The following ADAM12 variants were observed in gnomAD, a reference collection of about 807,000 sequenced individuals.
ADAM12 encodes the protein disintegrin and metalloproteinase domain-containing protein 12.
Under a neutral mutation model 106.4 loss-of-function variants are expected in ADAM12, and 70 were observed. The observed-to-expected ratio is 0.66, with a 90% CI of 0.54 to 0.80. The LOEUF (loss-of-function observed/expected upper bound fraction) is 0.80, where lower values mean the gene tolerates loss of function less well. Ranked by LOEUF, ADAM12 falls within the 30% of genes least tolerant of loss-of-function variation. ADAM12 has a pLI of 0.00. For missense variants in ADAM12, 1,010 were observed against 1,171.9 expected (o/e 0.86, Z 2.02); for synonymous variants, 420 against 433.5 (o/e 0.97, Z 0.39).
chr10:126,249,140 C>T (rs1456569944), intron 3 of ADAM12, among the ~76,000 whole-genome samples: 1 of 152,152 alleles, frequency 6.6e-6, no homozygotes, highest in Non-Finnish European at 1.5e-5. Context: ...TATGTTTCTC[C>T]TAAGTCTTGC....
intron 11 of ADAM12, among the ~76,000 whole-genome samples, chr10:126,072,492 C>T (rs150423607): frequency 1.3e-3 from 205 of 152,226 alleles, no homozygotes; most frequent in Middle Eastern, 6.8e-3. Context: ...TCCCCATCTG[C>T]CAGCTGAGAT....
At chr10:126,375,593 A>T (rs1311330363) in intron 1 of ADAM12, among the ~76,000 whole-genome samples, 1 of 152,062 alleles carries the variant, frequency 6.6e-6, no homozygotes, top group Non-Finnish European at 1.5e-5. Flanking sequence ...TGTAACCTCT[A>T]AATTAACAGA....
intron 1 of ADAM12, among the ~76,000 whole-genome samples, chr10:126,376,042 C>G (rs2133927784): frequency 6.6e-6 from 1 of 151,660 alleles, no homozygotes; most frequent in Non-Finnish European, 1.5e-5. Flanking sequence ...GTCACTGGGC[C>G]TGGCTAATCC....
chr10:126,375,671 CAA>C (rs1464621610), intron 1 of ADAM12, among the ~76,000 whole-genome samples: 2 of 139,080 alleles, frequency 1.4e-5, no homozygotes, highest in African/African-American at 5.4e-5. Context: ...GTAAAGATAG[CAA>C]AAGTTAGTTA....
chr10:126,298,853 A>T (rs1337858604), intron 2 of ADAM12, among the ~76,000 whole-genome samples: 1 of 152,234 alleles, frequency 6.6e-6, no homozygotes, highest in East Asian at 1.9e-4. Flanking sequence ...TCAAAGAAAC[A>T]ATTGTCACCT....
At chr10:126,338,543 C>T (rs373449458) in intron 1 of ADAM12, among the ~76,000 whole-genome samples, 3 of 152,092 alleles carry the variant, frequency 2.0e-5, no homozygotes, top group Middle Eastern at 3.2e-3. Flanking sequence ...TGAGCCACCG[C>T]GCCCGGCCTG....
intron 3 of ADAM12, among the ~76,000 whole-genome samples, chr10:126,161,802 G>A (rs1956940570): frequency 1.3e-5 from 2 of 152,230 alleles, no homozygotes; most frequent in African/African-American, 4.8e-5. Context: ...AAATGTGACA[G>A]CAATGGCCTT....
intron 1 of ADAM12, among the ~76,000 whole-genome samples, chr10:126,357,950 TC>T (rs1421726838): frequency 6.6e-6 from 1 of 152,074 alleles, no homozygotes; most frequent in African/African-American, 2.4e-5. Flanking sequence ...TCCAAACTTT[TC>T]CAAAAATTGA....
At chr10:126,175,860 G>A (rs1332832719) in intron 3 of ADAM12, among the ~76,000 whole-genome samples, 1 of 152,228 alleles carries the variant, frequency 6.6e-6, no homozygotes, top group African/African-American at 2.4e-5. Flanking sequence ...TTCCCTGGGG[G>A]TTCAAGCCTC....
chr10:126,049,367 G>A lies in ADAM12; in HGVS notation c.1803C>T (p.Asn601=), dbSNP rs777212234. 2.5e-6 allele frequency: 4 copies of A among 1,614,208 alleles called. No individual in the cohort carries two copies. The highest frequency in any genetic ancestry group is 3.4e-6 in the Non-Finnish European group (4 of 1,180,040). ...TCCGGCCTCCTTGCTGCAGGGGGAT[G>A]TTTGTTTCTATGGAAACGGCATTGG... The part of the protein sequence containing the change: ...IGTNAVSIET[N]IPLQQGGRIL... Residue 601 remains asparagine, a synonymous_variant, in exon 16 of 23, where the codon AAC becomes AAT. Coordinates refer to ENST00000448723, the MANE Select transcript of ADAM12 (RefSeq NM_001288973.2). The surrounding 1 kb of genome is among the most constrained non-coding windows in gnomAD (Gnocchi z 4.4).
At chr10:126,338,473 C>T (rs1338953515) in intron 1 of ADAM12, among the ~76,000 whole-genome samples, 2 of 151,700 alleles carry the variant, frequency 1.3e-5, no homozygotes, top group African/African-American at 2.4e-5. Context: ...GGGATGGTCT[C>T]GATCTCCTGA....
At chr10:126,020,637 G>A (rs1953746862) in intron 21 of ADAM12, among the ~76,000 whole-genome samples, 1 of 152,116 alleles carries the variant, frequency 6.6e-6, no homozygotes, top group Non-Finnish European at 1.5e-5. Context: ...CCAGCACACA[G>A]ATAATAGTTA....
chr10:126,361,083 C>T (rs1405644470), intron 1 of ADAM12, among the ~76,000 whole-genome samples: 1 of 152,098 alleles, frequency 6.6e-6, no homozygotes, highest in Non-Finnish European at 1.5e-5. Context: ...GAAAGATCTG[C>T]CCCCATGATT....
intron 3 of ADAM12, among the ~76,000 whole-genome samples, chr10:126,208,855 T>TG (rs1483563370): frequency 6.6e-6 from 1 of 151,294 alleles, no homozygotes; most frequent in South Asian, 2.1e-4. Flanking sequence ...AAAGAAAGTT[T>TG]TTTTTTTTTT....
chr10:126,197,363 G>A (rs951653364), intron 3 of ADAM12, among the ~76,000 whole-genome samples: 15 of 152,158 alleles, frequency 9.9e-5, no homozygotes, highest in Non-Finnish European at 1.5e-4. Context: ...GAACAAGCTC[G>A]GGATACATGT....
intron 2 of ADAM12, among the ~76,000 whole-genome samples, chr10:126,317,053 A>G (rs1200230434): frequency 3.9e-5 from 6 of 152,162 alleles, no homozygotes; most frequent in African/African-American, 7.2e-5. Flanking sequence ...GTCCTGGGTG[A>G]CTGAAGTTTG....
intron 12 of ADAM12, among the ~76,000 whole-genome samples, chr10:126,069,078 G>A (rs1006173953): frequency 2.2e-4 from 33 of 152,262 alleles, no homozygotes; most frequent in African/African-American, 7.5e-4. Flanking sequence ...TCAATCTGAT[G>A]TAAGGGCATG....
chr10:126,067,389 G>A (rs1954893692), intron 12 of ADAM12, among the ~76,000 whole-genome samples: 1 of 152,224 alleles, frequency 6.6e-6, no homozygotes, highest in South Asian at 2.1e-4. Context: ...GTCAGAAATG[G>A]ACCTTATAAC....
At chr10:126,143,291 T>G (rs1290618181) in intron 4 of ADAM12, among the ~76,000 whole-genome samples, 1 of 150,316 alleles carries the variant, frequency 6.7e-6, no homozygotes, top group Non-Finnish European at 1.5e-5. Flanking sequence ...TGCATGTGTG[T>G]GTGTGCATGT....
Sources: allele counts gnomAD v4.1 joint callset (sites outside exome capture counted in the v4.1 genomes callset), GRCh38; gene constraint gnomAD v4.1.1; non-coding constraint Gnocchi (gnomAD v3.1); transcripts MANE v1.5; gene names NCBI Gene and HGNC (gene_info 2026-07-23, HGNC 2026-07-21).